ACOT1: variants seen among roughly 807,000 people sequenced by gnomAD.
The protein encoded by ACOT1 is acyl-CoA thioesterase 1.
A neutral mutation model predicts 15.7 loss-of-function variants in ACOT1; 8 were observed. The observed-to-expected ratio is 0.51, with a 90% confidence interval of 0.30 to 0.92. The LOEUF (loss-of-function observed/expected upper bound fraction) is 0.92, where lower values mean the gene tolerates loss of function less well. ACOT1 is among the 40% of genes least tolerant of loss of function. ACOT1 has a pLI of 0.06. For synonymous variants in ACOT1, 67 were observed against 241.2 expected, an observed-to-expected ratio of 0.28 and a Z score of 6.69; for missense variants, 151 against 539.4, an observed-to-expected ratio of 0.28 and a Z score of 7.13.
the ACOT1 span, chr14:73,522,258 C>G: frequency 6.2e-7 from 1 of 1,609,370 alleles, no homozygotes; most frequent in Non-Finnish European, 8.5e-7. Flanking sequence ...CACTTGAGGC[C>G]CTGGCCAGTA....
At chr14:73,513,899 G>A in the ACOT1 span, 5 of 843,478 alleles carry the variant, frequency 5.9e-6, no homozygotes, top group South Asian at 8.0e-5. Context: ...CTCTTGTCTA[G>A]CCTTAATGAG....
chr14:73,534,715 A>G (rs1888806830), upstream of ACOT1, among the ~76,000 whole-genome samples: 2 of 113,980 alleles, frequency 1.8e-5, 1 homozygote, highest in South Asian at 5.6e-4. Context: ...CAAATAAACA[A>G]ATACTATGCA....
chr14:73,529,354 C>CA, the ACOT1 span, among the ~76,000 whole-genome samples: 31,692 of 87,214 alleles, frequency 0.36, 5,897 homozygotes, highest in Non-Finnish European at 0.39. Flanking sequence ...GACTCTGTCT[C>CA]AAAAAAAAAA....
chr14:73,538,979 A>T lies in ACOT1; in HGVS notation c.457+1101A>T, dbSNP rs144623252. Among the ~76,000 whole-genome samples the T allele has an allele frequency of 9.5e-4, 111 of 116,340 alleles. 22 individuals carry two copies. Among genetic ancestry groups the T allele is most frequent in the African/African-American group, 3.0e-3 (107 of 35,772 alleles). 76.3% of individuals were successfully genotyped at this position (116,340 alleles called of 152,430 possible). On this transcript the variant is annotated intron_variant, in intron 1 of 2. Transcript: ENST00000311148. ...GTGAAACTCCATCTAAAACAAAAAC[A>T]AAAACAAAAAACAAACAACAACAAC...
At chr14:73,509,864 A>ATT in the ACOT1 span, among the ~76,000 whole-genome samples, 21 of 67,802 alleles carry the variant, frequency 3.1e-4, 3 homozygotes, top group Middle Eastern at 6.9e-3. Context: ...ATATATATAT[A>ATT]TATATTTATT....
At chr14:73,510,894 C>G in the ACOT1 span, among the ~76,000 whole-genome samples, 2 of 152,180 alleles carry the variant, frequency 1.3e-5, no homozygotes, top group South Asian at 4.1e-4. Context: ...AAAGGGCCTG[C>G]CTGTTATAAG....
At chr14:73,508,767 A>AAG in the ACOT1 span, among the ~76,000 whole-genome samples, 1 of 151,654 alleles carries the variant, frequency 6.6e-6, no homozygotes, top group African/African-American at 2.4e-5. Context: ...AAAAAAAAAA[A>AAG]AAAAAAAAAA....
At chr14:73,519,058 G>A in the ACOT1 span, 2 of 1,613,714 alleles carry the variant, frequency 1.2e-6, no homozygotes, top group Non-Finnish European at 1.7e-6. Context: ...CCACTTTTCT[G>A]GAGTTTCAGG....
the ACOT1 span, chr14:73,528,824 T>C: frequency 6.6e-6 from 1 of 152,188 alleles, no homozygotes; most frequent in Non-Finnish European, 1.5e-5. Context: ...GTCCTACAGT[T>C]AGATGCACTG....
chr14:73,528,146 A>G, the ACOT1 span, among the ~76,000 whole-genome samples: 1 of 150,736 alleles, frequency 6.6e-6, no homozygotes, highest in Non-Finnish European at 1.5e-5. Context: ...TGTAATCCCA[A>G]CACTTTGGGA....
At chr14:73,531,230 C>G in the ACOT1 span, 1 of 112,464 alleles carries the variant, frequency 8.9e-6, no homozygotes, top group African/African-American at 2.9e-5. Context: ...TCTTAGGTTC[C>G]AAAGCTGTTT....
chr14:73,507,006 G>A, the ACOT1 span, among the ~76,000 whole-genome samples: 5 of 151,406 alleles, frequency 3.3e-5, no homozygotes, highest in Non-Finnish European at 7.4e-5. Flanking sequence ...TTACCATGTT[G>A]GTGCCAGGCT....
chr14:73,491,033 G>T, the ACOT1 span: 2 of 1,560,234 alleles, frequency 1.3e-6, no homozygotes, highest in Non-Finnish European at 1.7e-6. Flanking sequence ...TGGGCTCCAG[G>T]CCAGTGCAGG....
chr14:73,509,866 A>ATATATTTATATATT, the ACOT1 span, among the ~76,000 whole-genome samples: 24 of 67,508 alleles, frequency 3.6e-4, 4 homozygotes, highest in Middle Eastern at 6.1e-3. Context: ...ATATATATAT[A>ATATATTTATATATT]TATTTATTTA....
chr14:73,496,386 T>C, the ACOT1 span, among the ~76,000 whole-genome samples: 28 of 152,252 alleles, frequency 1.8e-4, no homozygotes, highest in African/African-American at 5.3e-4. Context: ...ACTAATAGGA[T>C]TTTTGTTTTG....
chr14:73,518,775 C>T, the ACOT1 span, among the ~76,000 whole-genome samples: 1 of 152,118 alleles, frequency 6.6e-6, no homozygotes, highest in African/African-American at 2.4e-5. Flanking sequence ...GGCCCTAAAC[C>T]ACTTGGTTAT....
At chr14:73,495,115 C>T in the ACOT1 span, 2 of 845,868 alleles carry the variant, frequency 2.4e-6, no homozygotes, top group Admixed American at 2.6e-5. Flanking sequence ...AGAGAGTACC[C>T]TTTCCTGACT....
intron 2 of ACOT1, 73 bp from the exon 3 acceptor site, chr14:73,542,977 G>A (rs1889142449): frequency 8.2e-7 from 1 of 1,219,010 alleles, no homozygotes; most frequent in Non-Finnish European, 1.1e-6. Flanking sequence ...CTAACTTCCA[G>A]GGTGGGCACA....
the ACOT1 span, among the ~76,000 whole-genome samples, chr14:73,513,374 G>A: frequency 1.3e-5 from 2 of 151,048 alleles, no homozygotes; most frequent in South Asian, 2.1e-4. Flanking sequence ...CAGGAGAATC[G>A]CTTGAACCTG....
Sources: allele counts gnomAD v4.1 joint callset (sites outside exome capture counted in the v4.1 genomes callset), GRCh38; gene constraint gnomAD v4.1.1; transcripts MANE v1.5; gene names NCBI Gene and HGNC (gene_info 2026-07-23, HGNC 2026-07-21).